The following RERE variants were observed in gnomAD, a reference collection of about 807,000 sequenced individuals.
The protein encoded by RERE is arginine-glutamic acid dipeptide repeats.
A neutral mutation model predicts 146.1 loss-of-function variants in RERE; 40 were observed. The ratio of observed to expected loss-of-function variants is 0.27; its 90% CI spans 0.21 to 0.36. RERE has a LOEUF of 0.36. Among genes scored for constraint, RERE ranks in the 10% least tolerant of loss-of-function variants. The pLI is 1.00. For missense variants in RERE, 1,933 were observed against 2,138.7 expected, an observed-to-expected ratio of 0.90 and a Z score of 1.90; for synonymous variants, 1,003 against 866.0, an observed-to-expected ratio of 1.16 and a Z score of -2.78.
At position 8,403,825 on chromosome 1, in the gene RERE, C is replaced by CTTTTTTTTTTTTTTTTT. The variant is rs869295197; in HGVS notation, c.1284+18885_1284+18901dup. Reference sequence around the variant, plus strand: ...TCTATTTTTCTTAATAAAATCTTAGCTTTTTTTTTTTTTTTTTTTTTTTGA... The same window carrying CTTTTTTTTTTTTTTTTT: ...TCTATTTTTCTTAATAAAATCTTAGCTTTTTTTTTTTTTTTTTTTTTTTTTTTTTTTTTTTTTTTTGA... On this transcript the variant is annotated intron_variant, in intron 12 of 22. Coordinates refer to ENST00000400908, the MANE Select transcript of RERE (RefSeq NM_001042681.2). Among the ~76,000 whole-genome samples the CTTTTTTTTTTTTTTTTT allele has an allele frequency of 6.4e-4, 45 of 70,854 alleles. 10 individuals carry two copies. The highest frequency in any genetic ancestry group is 1.8e-3 in the African/African-American group (30 of 16,990). The allele number at this position is 70,854 out of a possible 152,430, so 46.5% of individuals were successfully genotyped here.
chr1:8,750,720 T>C (rs905435521), intron 1 of RERE: 320 of 796,622 alleles, frequency 4.0e-4, no homozygotes, highest in African/African-American at 5.5e-4. Flanking sequence ...ACCAGAGGTA[T>C]CAATGGTGTG....
chr1:8,745,766 GT>G (rs1264531396), intron 1 of RERE, among the ~76,000 whole-genome samples: 1 of 151,974 alleles, frequency 6.6e-6, no homozygotes, highest in Non-Finnish European at 1.5e-5. Context: ...TTTCTTTTCT[GT>G]TTTAAAACAT....
chr1:8,449,778 A>C (rs1644368557), intron 11 of RERE, among the ~76,000 whole-genome samples: 1 of 152,226 alleles, frequency 6.6e-6, no homozygotes, highest in South Asian at 2.1e-4. Flanking sequence ...ATGACCACAA[A>C]GATTATTGGA....
At chr1:8,625,483 T>C (rs1183521930) in intron 2 of RERE, among the ~76,000 whole-genome samples, 1 of 152,138 alleles carries the variant, frequency 6.6e-6, no homozygotes, top group Non-Finnish European at 1.5e-5. Context: ...CATTCATTCA[T>C]TTTGCATAGA....
intron 12 of RERE, among the ~76,000 whole-genome samples, chr1:8,411,050 G>T (rs145546611): frequency 3.1e-4 from 47 of 152,276 alleles, no homozygotes; most frequent in African/African-American, 1.0e-3. Context: ...GCCTGGTAAG[G>T]TATGTAGCAT....
intron 12 of RERE, among the ~76,000 whole-genome samples, chr1:8,366,674 G>A (rs1470057239): frequency 1.3e-5 from 2 of 152,162 alleles, no homozygotes; most frequent in African/African-American, 4.8e-5. Flanking sequence ...GACACACAGT[G>A]GTGCTGATGC....
intron 1 of RERE, among the ~76,000 whole-genome samples, chr1:8,802,246 C>T (rs1158173012): frequency 6.6e-6 from 1 of 152,134 alleles, no homozygotes; most frequent in African/African-American, 2.4e-5. Context: ...GAAACCAGTC[C>T]CAAGGACTCC....
intron 1 of RERE, among the ~76,000 whole-genome samples, chr1:8,774,947 CTTTCTTTTTTTTTTTTTTTTTT>C (rs1406708874): frequency 9.0e-6 from 1 of 111,498 alleles, no homozygotes; most frequent in Non-Finnish European, 1.8e-5. Context: ...TTTCTTCTTT[CTTTCTTTTTTTTTTTTTTTTTT>C]TTTTTTTTTT....
intron 1 of RERE, among the ~76,000 whole-genome samples, chr1:8,687,507 A>T (rs1483453992): frequency 1.3e-5 from 2 of 152,242 alleles, no homozygotes; most frequent in African/African-American, 4.8e-5. Flanking sequence ...TTGGGAATTA[A>T]CACTGAGAAA....
intron 12 of RERE, among the ~76,000 whole-genome samples, chr1:8,383,582 C>T (rs1397965545): frequency 2.6e-5 from 4 of 152,136 alleles, no homozygotes; most frequent in African/African-American, 9.7e-5. Flanking sequence ...GCCCAAGGGC[C>T]AGGTGCGGTG....
intron 2 of RERE, among the ~76,000 whole-genome samples, chr1:8,632,250 C>T (rs1647044281): frequency 6.6e-6 from 1 of 152,200 alleles, no homozygotes; most frequent in Non-Finnish European, 1.5e-5. Flanking sequence ...ATTCTTCTCT[C>T]CCCGTATGGC....
At chr1:8,576,520 A>T (rs1398777979) in intron 4 of RERE, among the ~76,000 whole-genome samples, 2 of 152,242 alleles carry the variant, frequency 1.3e-5, no homozygotes, top group Non-Finnish European at 2.9e-5. Flanking sequence ...CTATTTAATG[A>T]GTTTGTAGAG....
At chr1:8,687,952 CAATT>C (rs1210473948) in intron 1 of RERE, among the ~76,000 whole-genome samples, 1 of 152,158 alleles carries the variant, frequency 6.6e-6, no homozygotes, top group African/African-American at 2.4e-5. Flanking sequence ...TAACAGCATT[CAATT>C]AATCACCAAG....
At chr1:8,357,116 C>T (rs926194591) in intron 20 of RERE, among the ~76,000 whole-genome samples, 3 of 152,254 alleles carry the variant, frequency 2.0e-5, no homozygotes, top group Admixed American at 6.5e-5. Context: ...CTGCCTCTCA[C>T]AACGTGGCAC....
Position 8,426,158 on chromosome 1 carries a change from TAAG to T in RERE, c.1204-3354_1204-3352del, listed in dbSNP as rs142590044. On this transcript the variant is annotated intron_variant, in intron 11 of 22. Coordinates refer to ENST00000400908, the MANE Select transcript of RERE (RefSeq NM_001042681.2). ...ATCATAAAGTCCTCAGTATTCTTCC[TAAG>T]AAGTGTCTTTCAGCCGGGCGCGGTG... Among the ~76,000 whole-genome samples, 1,345 of 152,312 alleles carry T rather than the reference TAAG, an allele frequency of 8.8e-3. 8 individuals are homozygous for T. The highest frequency in any genetic ancestry group is 0.015 in the Non-Finnish European group (1,030 of 68,032).
chr1:8,467,745 C>T (rs763201126), intron 10 of RERE, among the ~76,000 whole-genome samples: 3 of 152,080 alleles, frequency 2.0e-5, no homozygotes, highest in Non-Finnish European at 4.4e-5. Context: ...CCCGGGTTCA[C>T]GCCATTCTCC....
At chr1:8,732,808 C>CTTTTTTTTTTTTTTTTTTTTTT (rs59337140) in intron 1 of RERE, among the ~76,000 whole-genome samples, 1 of 65,696 alleles carries the variant, frequency 1.5e-5, no homozygotes, top group African/African-American at 5.5e-5. Context: ...TTCAATTTTT[C>CTTTTTTTTTTTTTTTTTTTTTT]TTTTTTTTTT....
At chr1:8,428,249 C>T (rs977066713) in intron 11 of RERE, among the ~76,000 whole-genome samples, 5 of 152,324 alleles carry the variant, frequency 3.3e-5, no homozygotes, top group African/African-American at 1.2e-4. Context: ...CATAGCCTGC[C>T]CACTCTCAGA....
chr1:8,443,303 A>G (rs1187713022), intron 11 of RERE, among the ~76,000 whole-genome samples: 1 of 151,890 alleles, frequency 6.6e-6, no homozygotes, highest in Admixed American at 6.6e-5. Context: ...TCTACTAAAG[A>G]TACAAAAAAT....
Sources: gnomAD v4.1 joint callset for allele counts (sites outside exome capture counted in the v4.1 genomes callset) on GRCh38, gnomAD v4.1.1 for gene constraint, MANE v1.5 for transcripts, NCBI Gene and HGNC (gene_info 2026-07-23, HGNC 2026-07-21) for gene names.